The following DST variants were observed in gnomAD, a reference collection of about 807,000 sequenced individuals.
DST encodes bullous pemphigoid antigen.
Under a neutral mutation model 875.2 loss-of-function variants are expected in DST, and 253 were observed. The ratio of observed to expected loss-of-function variants is 0.29; its 90% CI spans 0.26 to 0.32. The LOEUF is 0.32. Among genes scored for constraint, DST ranks in the 10% least tolerant of loss-of-function variants. The pLI is 1.00. For missense variants in DST, 8,287 were observed against 9,111.6 expected, an observed-to-expected ratio of 0.91 and a Z score of 3.68; for synonymous variants, 3,124 against 3,197.1, an observed-to-expected ratio of 0.98 and a Z score of 0.77.
At chr6:56,696,096 T>A (rs2099262167) in intron 9 of DST, among the ~76,000 whole-genome samples, 1 of 152,234 alleles carries the variant, frequency 6.6e-6, no homozygotes. Flanking sequence ...TGTTACATCA[T>A]CTTATAATTA....
At position 56,568,540 on chromosome 6, in the gene DST, C is replaced by T. The variant is rs748268169; in HGVS notation, c.13934G>A (p.Ser4645Asn). ...KTPEIQKVNNSGISLCNLISA... is the reference protein window; with the variant it reads ...KTPEIQKVNNNGISLCNLISA... ...TATTAAGTTACATAGTGAGATCCCA[C>T]TGTTGTTTACTTTCTGAATCTCTGG... is the stretch of plus-strand genomic sequence containing the variant. Residue 4645 changes from serine (S) to asparagine (N), a missense_variant, in exon 55 of 104, where the codon AGT becomes AAT. This residue lies in a region of DST where 1,513 missense variants were observed against 1,677.8 expected (regional missense o/e 0.90). Coordinates refer to ENST00000680361, the MANE Select transcript of DST (RefSeq NM_001374736.1). 8 of 1,612,754 alleles carry T rather than the reference C, an allele frequency of 5.0e-6. No homozygotes were observed. In the East Asian group the frequency reaches 1.8e-4, roughly 36 times the overall value.
intron 4 of DST, among the ~76,000 whole-genome samples, chr6:56,744,608 G>C (rs1309452913): frequency 6.6e-6 from 1 of 152,170 alleles, no homozygotes; most frequent in Non-Finnish European, 1.5e-5. Context: ...ATGGACAATG[G>C]ATGGTTGGTG....
chr6:56,602,491 C>G (rs2098455252), intron 43 of DST, among the ~76,000 whole-genome samples: 1 of 151,930 alleles, frequency 6.6e-6, no homozygotes, highest in South Asian at 2.1e-4. Context: ...ACAAAATCAC[C>G]TAACAATGCA....
intron 55 of DST, among the ~76,000 whole-genome samples, chr6:56,567,448 A>AAT (rs2097698501): frequency 6.6e-6 from 1 of 150,676 alleles, no homozygotes; most frequent in Non-Finnish European, 1.5e-5. Flanking sequence ...AAAAAAAAAA[A>AAT]TCCCAAAGCA....
intron 61 of DST, among the ~76,000 whole-genome samples, chr6:56,545,690 A>G (rs1268077667): frequency 2.0e-5 from 3 of 152,298 alleles, no homozygotes; most frequent in South Asian, 2.1e-4. Context: ...GAAAAGAGCA[A>G]TTTTATCAGC....
intron 4 of DST, among the ~76,000 whole-genome samples, chr6:56,737,448 T>A (rs1438423340): frequency 6.6e-6 from 1 of 152,210 alleles, no homozygotes; most frequent in Non-Finnish European, 1.5e-5. Flanking sequence ...ATACACCTAT[T>A]TAAGTTTAAA....
Position 56,595,781 on chromosome 6 carries a change from C to CG in DST, c.12196-1589_12196-1588insC, listed in dbSNP as rs1332070021. 7.4e-4 allele frequency among the ~76,000 whole-genome samples: 108 copies of CG among 145,428 alleles called. 1 individual carries two copies. Among genetic ancestry groups the CG allele is most frequent in the African/African-American group, 2.9e-3 (100 of 35,010 alleles). ...TATTTGAAATACATTCATATGCTAC[C>CG]CCCACCCCACCCCGAGAAGGGCTTT... is the stretch of plus-strand genomic sequence containing the variant. On this transcript the variant is annotated intron_variant, in intron 47 of 103. Coordinates refer to ENST00000680361, the MANE Select transcript of DST (RefSeq NM_001374736.1).
intron 25 of DST, 71 bp from the exon 26 acceptor site, chr6:56,634,687 ATTTTT>A: frequency 6.2e-7 from 1 of 1,607,244 alleles, no homozygotes; most frequent in Non-Finnish European, 8.5e-7. Flanking sequence ...CAATCCTGGG[ATTTTT>A]TTTGTTTTAT....
chr6:56,953,869 C>A (rs1164390435), intron 1 of DST, 50 bp from the exon 2 acceptor site: 2 of 1,269,990 alleles, frequency 1.6e-6, no homozygotes, highest in African/African-American at 3.1e-5. Flanking sequence ...TTGTTCTTCA[C>A]CTACCGAGTG....
At position 56,618,851 on chromosome 6, in the gene DST, AT is replaced by A; in HGVS notation, c.4930-4368del. 6.2e-7 allele frequency: 1 copy of A among 1,614,004 alleles called. No individual in the cohort carries two copies. The highest frequency in any genetic ancestry group is 8.5e-7 in the Non-Finnish European group (1 of 1,180,012). On this transcript the variant is annotated intron_variant, in intron 36 of 103. Coordinates refer to ENST00000680361, the MANE Select transcript of DST (RefSeq NM_001374736.1). ...CTTTCTGTGGGTCATCTGCTCCTCTATGGTCTTTAAGTGTAATTCGTCTTGT... is the reference window on the plus strand; with the variant it reads ...CTTTCTGTGGGTCATCTGCTCCTCTAGGTCTTTAAGTGTAATTCGTCTTGT...
At position 56,558,063 on chromosome 6, in the gene DST, A is replaced by G. The variant is rs9396220; in HGVS notation, c.14441-545T>C. Among the ~76,000 whole-genome samples, 3 of 151,918 alleles carry G rather than the reference A, an allele frequency of 2.0e-5. No individual in the cohort carries two copies. The East Asian group carries it at 5.8e-4, about 29-fold the overall frequency. ...TCCTCTCAAAACTGGTGGACTTTTAAGACTTTTAGATTTCTTTCAAAGGTT... is the reference window on the plus strand; with the variant it reads ...TCCTCTCAAAACTGGTGGACTTTTAGGACTTTTAGATTTCTTTCAAAGGTT... On this transcript the variant is annotated intron_variant, in intron 58 of 103. Coordinates refer to ENST00000680361, the MANE Select transcript of DST (RefSeq NM_001374736.1).
intron 22 of DST, among the ~76,000 whole-genome samples, chr6:56,637,400 G>A (rs1280556339): frequency 1.3e-5 from 2 of 152,046 alleles, no homozygotes; most frequent in African/African-American, 2.4e-5. Flanking sequence ...GGAATCCTCC[G>A]ATATGTTTTC....
chr6:56,880,885 G>GCT lies in DST; in HGVS notation c.417+19535_417+19536insAG, dbSNP rs2127635346. 3.6e-5 allele frequency among the ~76,000 whole-genome samples: 3 copies of GCT among 83,088 alleles called. No homozygotes were observed. The South Asian group carries it at 1.3e-3, about 36-fold the overall frequency. 54.5% of individuals were successfully genotyped at this position (83,088 alleles called of 152,430 possible). ...TTTTTTGAGACAGAGTCTTTGCTCT[G>GCT]TTGCCAGGCTAGAGTGCAGCGGCAC... is the stretch of plus-strand genomic sequence containing the variant. On this transcript the variant is annotated intron_variant, in intron 3 of 103. Transcript: ENST00000680361.
intron 22 of DST, 33 bp from the exon 23 acceptor site, chr6:56,636,685 TG>T: frequency 6.4e-7 from 1 of 1,557,206 alleles, no homozygotes. Flanking sequence ...CATAACTGAC[TG>T]GGGAGAAATA....
chr6:56,794,913 A>G (rs1312605888), intron 4 of DST, among the ~76,000 whole-genome samples: 1 of 152,154 alleles, frequency 6.6e-6, no homozygotes, highest in Admixed American at 6.6e-5. Flanking sequence ...CCCCCACTGC[A>G]ATGACCCAGC....
At chr6:56,710,438 T>C (rs534880857) in intron 5 of DST, among the ~76,000 whole-genome samples, 16 of 152,338 alleles carry the variant, frequency 1.1e-4, no homozygotes, top group African/African-American at 3.6e-4. Flanking sequence ...TGGCTTATAC[T>C]AACTGGGTGA....
Position 56,607,507 on chromosome 6 carries a change from C to A in DST, c.7121G>T (p.Arg2374Leu). ...NILTNYENQS[R>L]VETNERANEC... ...ATTTGCACGTTCATTTGTTTCCACT[C>A]GGCTTTGATTTTCATAGTTTGTAAG... The change falls in exon 40 of 104, where the codon CGA becomes CTA. Residue 2374 changes from arginine (R) to leucine (L), a missense_variant. Coordinates refer to ENST00000680361, the MANE Select transcript of DST (RefSeq NM_001374736.1). 6.3e-7 allele frequency: 1 copy of A among 1,598,416 alleles called. No individual in the cohort carries two copies. Among genetic ancestry groups the A allele is most frequent in the South Asian group, 1.1e-5 (1 of 89,578 alleles).
chr6:56,847,608 C>T (rs2099808551), intron 4 of DST, among the ~76,000 whole-genome samples: 1 of 152,198 alleles, frequency 6.6e-6, no homozygotes, highest in Admixed American at 6.5e-5. Context: ...GTAGTTCCAT[C>T]CCTCTAAAGT....
At chr6:56,804,660 G>A (rs1227383845) in intron 4 of DST, among the ~76,000 whole-genome samples, 3 of 152,062 alleles carry the variant, frequency 2.0e-5, no homozygotes, top group Non-Finnish European at 4.4e-5. Context: ...TATGCACAGA[G>A]GAAATGAACA....
Sources: allele counts gnomAD v4.1 joint callset (sites outside exome capture counted in the v4.1 genomes callset), GRCh38; gene constraint gnomAD v4.1.1; regional missense constraint gnomAD v4.1.1; transcripts MANE v1.5; gene names NCBI Gene and HGNC (gene_info 2026-07-23, HGNC 2026-07-21).